Variants in RDX observed in about 807,000 individuals in gnomAD.
RDX encodes deafness, autosomal recessive 24.
In RDX, 32 loss-of-function variants were observed where a neutral mutation model predicts 83.7. That is an observed-to-expected ratio of 0.38 (90% CI 0.29 to 0.51). The LOEUF (loss-of-function observed/expected upper bound fraction) is 0.51. Among genes scored for constraint, RDX ranks in the 20% least tolerant of loss-of-function variants. The pLI is 0.87. For missense variants in RDX, 600 were observed against 689.9 expected, an observed-to-expected ratio of 0.87 and a Z score of 1.46; for synonymous variants, 229 against 222.7, an observed-to-expected ratio of 1.03 and a Z score of -0.25.
intron 3 of RDX, among the ~76,000 whole-genome samples, chr11:110,271,665 T>C (rs914937243): frequency 6.6e-6 from 1 of 152,130 alleles, no homozygotes; most frequent in East Asian, 1.9e-4. Context: ...TCCCTTTTTT[T>C]AAAGCTCCAC....
At position 110,253,816 on chromosome 11, in the gene RDX, G is replaced by A. The variant is rs1006687034; in HGVS notation, c.959+130C>T. 2.6e-5 allele frequency: 21 copies of A among 804,760 alleles called. No homozygotes were observed. The African/African-American group carries it at 3.1e-4, about 12-fold the overall frequency. 49.9% of individuals were successfully genotyped at this position (804,760 alleles called of 1,614,324 possible). A position where few individuals can be genotyped will look rare whatever the true frequency, so the allele number is the denominator to read the frequency against. Reference sequence around the variant, plus strand: ...TTTTAAAGGACAGAGTGATAATACTGTCTTTGAATTTTAATATAATGAAAA... The same window carrying A: ...TTTTAAAGGACAGAGTGATAATACTATCTTTGAATTTTAATATAATGAAAA... On this transcript the variant is annotated intron_variant, in intron 9 of 13. Coordinates refer to ENST00000645495, the MANE Select transcript of RDX (RefSeq NM_002906.4).
chr11:110,246,855 A>G (rs1205220547), intron 10 of RDX, among the ~76,000 whole-genome samples: 3 of 152,220 alleles, frequency 2.0e-5, no homozygotes, highest in Non-Finnish European at 4.4e-5. Context: ...AGCATTTTCA[A>G]CAAGGGATAT....
At chr11:110,223,453 G>A (rs1240222586) in intron 14 of RDX, among the ~76,000 whole-genome samples, 1 of 152,052 alleles carries the variant, frequency 6.6e-6, no homozygotes, top group Non-Finnish European at 1.5e-5. Context: ...CGCTTGAACC[G>A]AGAGGTGAAA....
At chr11:110,196,994 G>A (rs1369851794) in intron 15 of RDX, among the ~76,000 whole-genome samples, 2 of 152,116 alleles carry the variant, frequency 1.3e-5, no homozygotes, top group Non-Finnish European at 2.9e-5. Flanking sequence ...GACCTCCTGG[G>A]CTTAAGCAAT....
At chr11:110,288,231 TA>T (rs1861065986) in intron 1 of RDX, 1 of 152,226 alleles carries the variant, frequency 6.6e-6, no homozygotes, top group Non-Finnish European at 1.5e-5. Flanking sequence ...CTAAAATTTA[TA>T]AAGCTGAACT....
chr11:110,290,248 G>A (rs937992992), intron 1 of RDX, among the ~76,000 whole-genome samples: 1 of 152,298 alleles, frequency 6.6e-6, no homozygotes, highest in Admixed American at 6.5e-5. Flanking sequence ...TAACAGGCCA[G>A]GTGTGGTGGC....
intron 15 of RDX, chr11:110,184,959 C>CAG (rs1326744343): frequency 6.6e-6 from 1 of 152,180 alleles, no homozygotes; most frequent in African/African-American, 2.4e-5. Context: ...TGCGGGGACA[C>CAG]ACTCTGCTCT....
chr11:110,236,000 C>G, intron 12 of RDX, 99 bp downstream of exon 12: 1 of 864,084 alleles, frequency 1.2e-6, no homozygotes, highest in Non-Finnish European at 2.0e-6. Flanking sequence ...CTTTCCCACT[C>G]TAAATTATGA....
At chr11:110,202,985 T>A (rs1164827615) in intron 14 of RDX, among the ~76,000 whole-genome samples, 6 of 152,136 alleles carry the variant, frequency 3.9e-5, no homozygotes. Flanking sequence ...AGCTACCATA[T>A]GATCCAGCAA....
chr11:110,253,422 A>G (rs2134353054), intron 9 of RDX, among the ~76,000 whole-genome samples: 1 of 152,278 alleles, frequency 6.6e-6, no homozygotes, highest in East Asian at 1.9e-4. Flanking sequence ...TATAAATTTT[A>G]TTCACTACCA....
intron 14 of RDX, among the ~76,000 whole-genome samples, chr11:110,216,997 A>T (rs955288104): frequency 3.3e-5 from 5 of 151,784 alleles, no homozygotes; most frequent in Admixed American, 3.3e-4. Flanking sequence ...CCTCTTCCTC[A>T]CTCTTTGGAC....
At chr11:110,244,363 CAAAAAAAA>C (rs71053874) in intron 10 of RDX, among the ~76,000 whole-genome samples, 8 of 51,310 alleles carry the variant, frequency 1.6e-4, no homozygotes, top group South Asian at 1.2e-3. Flanking sequence ...GATTCTGGCT[CAAAAAAAA>C]AAAAAAAAAA....
chr11:110,238,854 G>A (rs1864964053), intron 10 of RDX, among the ~76,000 whole-genome samples: 1 of 151,852 alleles, frequency 6.6e-6, no homozygotes, highest in South Asian at 2.1e-4. Flanking sequence ...GAACCCAGGA[G>A]GCGGAGGCTG....
intron 10 of RDX, among the ~76,000 whole-genome samples, chr11:110,241,411 C>T (rs1865094897): frequency 6.6e-6 from 1 of 152,214 alleles, no homozygotes; most frequent in African/African-American, 2.4e-5. Flanking sequence ...ATTCTCCTGC[C>T]TCAGCCTCCG....
chr11:110,180,207 C>T (rs1862857733), intron 15 of RDX, among the ~76,000 whole-genome samples: 1 of 152,126 alleles, frequency 6.6e-6, no homozygotes. Flanking sequence ...TGGCCCTGGA[C>T]TTTGTTCTTT....
intron 14 of RDX, among the ~76,000 whole-genome samples, chr11:110,206,978 TTTTA>T (rs869165797): frequency 1.1e-4 from 17 of 152,006 alleles, no homozygotes; most frequent in African/African-American, 2.9e-4. Context: ...TTTTATTTTA[TTTTA>T]TTTTTTTTGT....
intron 10 of RDX, among the ~76,000 whole-genome samples, chr11:110,245,887 G>C (rs566835905): frequency 6.6e-6 from 1 of 152,154 alleles, no homozygotes; most frequent in East Asian, 1.9e-4. Flanking sequence ...CTTGAAGATG[G>C]AATTCACTTT....
intron 14 of RDX, among the ~76,000 whole-genome samples, chr11:110,210,464 A>G (rs1356418772): frequency 2.7e-5 from 4 of 147,516 alleles, no homozygotes; most frequent in East Asian, 2.0e-4. Flanking sequence ...GCAGGCCAAC[A>G]TTCAGATTCA....
intron 8 of RDX, among the ~76,000 whole-genome samples, chr11:110,254,772 C>T (rs1234412390): frequency 6.6e-6 from 1 of 152,106 alleles, no homozygotes; most frequent in Admixed American, 6.6e-5. Context: ...CCATTGCACC[C>T]AGCCTGTTCT....
Sources: gnomAD v4.1 joint callset for allele counts (sites outside exome capture counted in the v4.1 genomes callset) on GRCh38, gnomAD v4.1.1 for gene constraint, MANE v1.5 for transcripts, NCBI Gene and HGNC (gene_info 2026-07-23, HGNC 2026-07-21) for gene names.